GSG1L: variants seen among roughly 807,000 people sequenced by gnomAD.
The protein encoded by GSG1L is germ cell-specific gene 1-like protein.
Under a neutral mutation model 42.1 loss-of-function variants are expected in GSG1L, and 24 were observed. The observed-to-expected ratio is 0.57, with a 90% CI of 0.41 to 0.80. The LOEUF (loss-of-function observed/expected upper bound fraction) is 0.80. Among genes scored for constraint, GSG1L ranks in the 30% least tolerant of loss-of-function variants. The pLI, the probability that GSG1L is intolerant of heterozygous loss-of-function variation, is 0.00. For missense variants in GSG1L, 445 were observed against 472.2 expected, an observed-to-expected ratio of 0.94 and a Z score of 0.53; for synonymous variants, 215 against 203.5, an observed-to-expected ratio of 1.06 and a Z score of -0.48.
At chr16:27,989,097 A>T (rs965672735) in intron 1 of GSG1L, among the ~76,000 whole-genome samples, 3 of 151,892 alleles carry the variant, frequency 2.0e-5, no homozygotes, top group Non-Finnish European at 2.9e-5. Flanking sequence ...GAAAGAAAAA[A>T]AGGAGAGAAG....
At chr16:28,056,695 T>C (rs1391599804) in intron 1 of GSG1L, among the ~76,000 whole-genome samples, 1 of 152,008 alleles carries the variant, frequency 6.6e-6, no homozygotes, top group Non-Finnish European at 1.5e-5. Context: ...TGAGCTGCCA[T>C]GCTGAGTCCT....
chr16:28,036,339 A>T (rs2141180646), intron 1 of GSG1L, among the ~76,000 whole-genome samples: 1 of 151,688 alleles, frequency 6.6e-6, no homozygotes, highest in East Asian at 1.9e-4. Flanking sequence ...AGTTCCTACG[A>T]CTCCCTCTGT....
chr16:27,968,563 C>T (rs1336373213), intron 1 of GSG1L, among the ~76,000 whole-genome samples: 2 of 152,108 alleles, frequency 1.3e-5, no homozygotes, highest in Non-Finnish European at 2.9e-5. Context: ...AAAACATTTT[C>T]ATGGGCCCGT....
At chr16:27,852,855 C>T (rs541494271) in intron 3 of GSG1L, among the ~76,000 whole-genome samples, 4 of 152,090 alleles carry the variant, frequency 2.6e-5, no homozygotes, top group East Asian at 3.9e-4. Flanking sequence ...CAGTCCTCCC[C>T]GCAGGTGAGG....
At chr16:27,792,081 C>T (rs1228255850) in intron 6 of GSG1L, among the ~76,000 whole-genome samples, 1 of 152,076 alleles carries the variant, frequency 6.6e-6, no homozygotes, top group South Asian at 2.1e-4. Context: ...GCAAATCCAC[C>T]TACTTGTGCA....
intron 1 of GSG1L, among the ~76,000 whole-genome samples, chr16:28,056,780 A>G (rs2086283953): frequency 6.6e-6 from 1 of 151,972 alleles, no homozygotes; most frequent in Admixed American, 6.5e-5. Flanking sequence ...GTCCTCAGGG[A>G]GCCAGCGTCC....
intron 1 of GSG1L, chr16:27,998,249 C>T (rs1212378420): frequency 6.6e-6 from 1 of 152,192 alleles, no homozygotes; most frequent in African/African-American, 2.4e-5. Context: ...TAAGAACATA[C>T]AGAGTCTGGT....
At chr16:27,861,284 C>T (rs931772351) in intron 3 of GSG1L, among the ~76,000 whole-genome samples, 1 of 151,854 alleles carries the variant, frequency 6.6e-6, no homozygotes, top group African/African-American at 2.4e-5. Flanking sequence ...GGCTAAGGCA[C>T]GAGAATCGTT....
At chr16:27,818,437 A>G (rs991279340) in intron 5 of GSG1L, among the ~76,000 whole-genome samples, 2 of 152,174 alleles carry the variant, frequency 1.3e-5, no homozygotes, top group African/African-American at 4.8e-5. Flanking sequence ...CCACGGTGCC[A>G]TCTCCAGTTT....
Position 28,030,092 on chromosome 16 carries a change from A to G in GSG1L, c.349+32984T>C, listed in dbSNP as rs991548317. 1.6e-4 allele frequency among the ~76,000 whole-genome samples: 24 copies of G among 152,352 alleles called. 1 individual carries two copies. The highest frequency in any genetic ancestry group is 5.8e-4 in the African/African-American group (24 of 41,582). ...GCTTGTAAAAGGCACAGAGGCATGA[A>G]GAAGCTTTTTGAAGAAAGATAGAGA... is the stretch of plus-strand genomic sequence containing the variant. On this transcript the variant is annotated intron_variant, in intron 1 of 6. Coordinates refer to ENST00000447459, the MANE Select transcript of GSG1L (RefSeq NM_001109763.2).
chr16:27,797,605 G>A (rs1340507043), intron 6 of GSG1L, among the ~76,000 whole-genome samples: 3 of 151,094 alleles, frequency 2.0e-5, no homozygotes, highest in Non-Finnish European at 4.4e-5. Flanking sequence ...GGTGGATCAC[G>A]AGGTCAGGAG....
intron 1 of GSG1L, among the ~76,000 whole-genome samples, chr16:28,032,046 T>A (rs2085970338): frequency 6.6e-6 from 1 of 152,154 alleles, no homozygotes; most frequent in African/African-American, 2.4e-5. Flanking sequence ...TACAGCAAGA[T>A]CACAGGGGAA....
intron 3 of GSG1L, among the ~76,000 whole-genome samples, chr16:27,867,928 G>A (rs2083752411): frequency 6.6e-6 from 1 of 152,200 alleles, no homozygotes; most frequent in Non-Finnish European, 1.5e-5. Context: ...GCGAGACCAG[G>A]CCCAGAAATT....
chr16:28,025,080 T>C (rs2085885380), intron 1 of GSG1L, among the ~76,000 whole-genome samples: 1 of 152,134 alleles, frequency 6.6e-6, no homozygotes, highest in East Asian at 1.9e-4. Context: ...AAAGCCCCAC[T>C]CCAAGGTTCT....
chr16:27,828,817 G>T lies in GSG1L; in HGVS notation c.802C>A (p.Pro268Thr). Residue 268 changes from proline to threonine, a missense_variant, in exon 5 of 7, where the codon CCT (proline) becomes ACT (threonine). Transcript: ENST00000447459. ...GYREEPTFIDPEAIKYFRERM... is the reference protein window; with the variant it reads ...GYREEPTFIDTEAIKYFRERM... ...TCCCGGAAGTACTTGATGGCCTCAG[G>T]GTCTATGAAGGTCGGCTCTTCCCGG... 8 of 1,614,116 alleles carry T rather than the reference G, an allele frequency of 5.0e-6. No individual in the cohort carries two copies. The highest frequency in any genetic ancestry group is 6.8e-6 in the Non-Finnish European group (8 of 1,180,008).
chr16:28,023,054 C>T (rs1423982395), intron 1 of GSG1L, among the ~76,000 whole-genome samples: 1 of 152,094 alleles, frequency 6.6e-6, no homozygotes, highest in South Asian at 2.1e-4. Context: ...ATCTCAAACT[C>T]CTGGCATCAA....
chr16:28,057,876 C>T (rs951466972), intron 1 of GSG1L, among the ~76,000 whole-genome samples: 8 of 152,250 alleles, frequency 5.3e-5, no homozygotes, highest in Non-Finnish European at 1.0e-4. Flanking sequence ...TCTGGACCAT[C>T]TGGGCCCAAA....
chr16:27,787,611 C>T lies in GSG1L; in HGVS notation c.*3759G>A, dbSNP rs1276090966. ...CTTAAATGCCTATTTTGGTTTCATC[C>T]TAAGCAGTAACGTCTGTGAAGTCAT... On this transcript the variant is annotated 3_prime_UTR_variant, in exon 7 of 7. Transcript: ENST00000447459. 1.3e-5 allele frequency: 2 copies of T among 152,244 alleles called. No individual in the cohort carries two copies. The highest frequency in any genetic ancestry group is 2.1e-4 in the South Asian group (1 of 4,832). 9.4% of individuals were successfully genotyped at this position (152,244 alleles called of 1,614,324 possible). A position where few individuals can be genotyped will look rare whatever the true frequency, so the allele number is the denominator to read the frequency against.
intron 2 of GSG1L, among the ~76,000 whole-genome samples, chr16:27,939,051 T>A (rs1399516627): frequency 1.3e-5 from 2 of 152,002 alleles, no homozygotes; most frequent in Non-Finnish European, 2.9e-5. Context: ...AAGCACATAA[T>A]GACATTCCAA....
Sources: gnomAD v4.1 joint callset for allele counts (sites outside exome capture counted in the v4.1 genomes callset) on GRCh38, gnomAD v4.1.1 for gene constraint, MANE v1.5 for transcripts, NCBI Gene and HGNC (gene_info 2026-07-23, HGNC 2026-07-21) for gene names.